The following APOL5 variants were observed in gnomAD, a reference collection of about 807,000 sequenced individuals.
APOL5 encodes the protein apolipoprotein L5.
Under a neutral mutation model 35.5 loss-of-function variants are expected in APOL5, and 29 were observed. The ratio of observed to expected loss-of-function variants is 0.82; its 90% CI spans 0.61 to 1.11. APOL5 has a LOEUF of 1.11. APOL5 is among the 50% of genes most tolerant of loss of function. APOL5 has a pLI of 0.00. For synonymous variants in APOL5, 188 were observed against 200.2 expected, an observed-to-expected ratio of 0.94 and a Z score of 0.51; for missense variants, 514 against 530.4, an observed-to-expected ratio of 0.97 and a Z score of 0.30.
intron 2 of APOL5, among the ~76,000 whole-genome samples, chr22:35,725,488 T>G (rs911707221): frequency 6.6e-6 from 1 of 151,952 alleles, no homozygotes; most frequent in Non-Finnish European, 1.5e-5. Context: ...CTCCTGACCC[T>G]GTGATCCGCT....
upstream of APOL5, among the ~76,000 whole-genome samples, chr22:35,714,997 A>T (rs1232023642): frequency 6.6e-6 from 1 of 152,220 alleles, no homozygotes; most frequent in Non-Finnish European, 1.5e-5. Context: ...ATGCATTTTT[A>T]AATTATCAGA....
At chr22:35,720,328 A>G (rs886911679) in intron 1 of APOL5, among the ~76,000 whole-genome samples, 1 of 152,230 alleles carries the variant, frequency 6.6e-6, no homozygotes, top group African/African-American at 2.4e-5. Flanking sequence ...TAGAAGCCTA[A>G]GCGATTTCCA....
chr22:35,722,046 T>A (rs1281072543), intron 2 of APOL5, among the ~76,000 whole-genome samples: 2 of 152,114 alleles, frequency 1.3e-5, no homozygotes, highest in Non-Finnish European at 2.9e-5. Flanking sequence ...CTCTCCCACC[T>A]CCACTGTCAA....
At chr22:35,709,796 G>C in the APOL5 span, among the ~76,000 whole-genome samples, 1 of 151,504 alleles carries the variant, frequency 6.6e-6, no homozygotes, top group East Asian at 1.9e-4. Flanking sequence ...AATAGTGTCT[G>C]TTTTCTCTTG....
At chr22:35,713,789 AC>A, upstream of APOL5, among the ~76,000 whole-genome samples, 1 of 152,038 alleles carries the variant, frequency 6.6e-6, no homozygotes, top group South Asian at 2.1e-4. Context: ...CACTGTCCCC[AC>A]CTACAACGGG....
In APOL5 at chr22:35,720,614, C is replaced by A. The variant is rs147206206; in HGVS notation, c.102C>A (p.Tyr34Ter). 4.3e-6 allele frequency: 7 copies of A among 1,613,974 alleles called. No homozygotes were observed. The highest frequency in any genetic ancestry group is 5.9e-6 in the Non-Finnish European group (7 of 1,180,006). Reference protein sequence around the residue: ...CKEMWLRKVIYGGEVWGKSPE... With the variant: ...CKEMWLRKVI ...AAATGTGGCTTCGAAAGGTAATCTA[C>A]GGAGGTGAGGTCTGGGGGAAGTCCC... The change falls in exon 2 of 5, where the codon TAC becomes TAA. Residue 34 changes from tyrosine to a stop codon, truncating the protein, a stop_gained. Coordinates refer to ENST00000249044, the MANE Select transcript of APOL5 (RefSeq NM_030642.1). LOFTEE classifies it high-confidence loss of function.
At chr22:35,721,031 C>G (rs1402511115) in intron 2 of APOL5, among the ~76,000 whole-genome samples, 2 of 151,994 alleles carry the variant, frequency 1.3e-5, no homozygotes, top group African/African-American at 4.8e-5. Flanking sequence ...GAGGTGTGAG[C>G]CACCGTGCCC....
Position 35,729,482 on chromosome 22 carries a change from A to G in APOL5, c.*135A>G, listed in dbSNP as rs1024289071. On this transcript the variant is annotated 3_prime_UTR_variant, in exon 5 of 5. Coordinates refer to ENST00000249044, the MANE Select transcript of APOL5 (RefSeq NM_030642.1). ...CCAGCAGCAATGATAATAGAAGGCA[A>G]ACTTGCAATGGTCTGTGGTAACCCC... 2.6e-5 allele frequency: 4 copies of G among 152,234 alleles called. No individual in the cohort carries two copies. The highest frequency in any genetic ancestry group is 9.7e-5 in the African/African-American group (4 of 41,420). The allele number at this position is 152,234 out of a possible 1,614,324, so 9.4% of individuals were successfully genotyped here.
the APOL5 span, among the ~76,000 whole-genome samples, chr22:35,710,553 C>G: frequency 1.3e-5 from 2 of 151,764 alleles, no homozygotes; most frequent in Non-Finnish European, 2.9e-5. Context: ...TATATATAAC[C>G]TGAAATTTTC....
intron 2 of APOL5, among the ~76,000 whole-genome samples, chr22:35,722,563 A>T (rs1927009104): frequency 6.6e-6 from 1 of 152,166 alleles, no homozygotes; most frequent in Admixed American, 6.5e-5. Context: ...GGCCTCCCAA[A>T]GTGCTGGGAT....
At chr22:35,718,428 G>A (rs528960148) in intron 1 of APOL5, among the ~76,000 whole-genome samples, 27 of 152,130 alleles carry the variant, frequency 1.8e-4, no homozygotes, top group African/African-American at 5.5e-4. Context: ...GACCAGCCTG[G>A]CCAACATGGT....
upstream of APOL5, among the ~76,000 whole-genome samples, chr22:35,717,315 G>T (rs1434128274): frequency 6.8e-6 from 1 of 146,454 alleles, no homozygotes; most frequent in Non-Finnish European, 1.5e-5. Flanking sequence ...AAGACAGGAG[G>T]ATCACTTGAG....
chr22:35,722,594 C>T (rs1927010103), intron 2 of APOL5, among the ~76,000 whole-genome samples: 1 of 152,208 alleles, frequency 6.6e-6, no homozygotes, highest in Non-Finnish European at 1.5e-5. Flanking sequence ...AGCCACTGCG[C>T]CCGGCCCTAG....
At position 35,726,299 on chromosome 22, in the gene APOL5, T is replaced by C. The variant is rs769092389; in HGVS notation, c.231T>C (p.Phe77=). ...ATGAGGCTGGTATGCTGTCCTACTT[T>C]CTGTTTGAAGAGCTGATGCGATGTG... ...HSDEAGMLSY[F]LFEELMRCDK... The change falls in exon 3 of 5, where the codon TTT becomes TTC. Residue 77 remains phenylalanine, a synonymous_variant. Transcript: ENST00000249044. 1.9e-6 allele frequency: 3 copies of C among 1,614,096 alleles called. No individual in the cohort carries two copies. The highest frequency in any genetic ancestry group is 1.3e-5 in the African/African-American group (1 of 74,940).
At chr22:35,727,606 G>A (rs1341233098) in intron 3 of APOL5, among the ~76,000 whole-genome samples, 1 of 152,128 alleles carries the variant, frequency 6.6e-6, no homozygotes, top group Non-Finnish European at 1.5e-5. Flanking sequence ...CCGGTTCCTG[G>A]GTAGAGGCCA....
chr22:35,710,312 CTT>C, the APOL5 span, among the ~76,000 whole-genome samples: 2 of 143,910 alleles, frequency 1.4e-5, no homozygotes. Context: ...TTTTATTCTT[CTT>C]TTTTTTTTGT....
chr22:35,712,127 C>T, the APOL5 span, among the ~76,000 whole-genome samples: 1 of 152,116 alleles, frequency 6.6e-6, no homozygotes, highest in Admixed American at 6.5e-5. Flanking sequence ...CCATTTCAGC[C>T]TCCTCAGTAG....
chr22:35,726,897 C>G lies in APOL5; in HGVS notation c.829C>G (p.Gln277Glu), dbSNP rs762166279. 1 of 1,614,206 alleles carries G rather than the reference C, an allele frequency of 6.2e-7. No individual in the cohort carries two copies. The highest frequency in any genetic ancestry group is 8.5e-7 in the Non-Finnish European group (1 of 1,180,042). ...CCCTTTCTGGACGGCTAGAGGGGTG[C>G]AGAGAGCCTTTGAGGGCACAACTCT... ...HIPFWTARGV[Q>E]RAFEGTTLAM... The change falls in exon 3 of 5, where the codon CAG becomes GAG. Residue 277 changes from glutamine to glutamate, a missense_variant. Physicochemically the swap from Gln to Glu is conservative, Grantham distance 29 (BLOSUM62 2). Transcript: ENST00000249044.
In APOL5 at chr22:35,726,494, C is replaced by T. The variant is rs376424899; in HGVS notation, c.426C>T (p.Ser142=). 5 of 1,614,226 alleles carry T rather than the reference C, an allele frequency of 3.1e-6. No individual in the cohort carries two copies. Among genetic ancestry groups the T allele is most frequent in the Non-Finnish European group, 4.2e-6 (5 of 1,180,046 alleles). ...ELLTKTSLVA[S]SSGAVSGVMN... is the part of the protein sequence containing the mutation. ...TTACCAAGACCAGCCTGGTGGCCAG[C>T]TCTTCCGGGGCTGTTTCTGGGGTCA... Residue 142 remains serine (S), a synonymous_variant, in exon 3 of 5, where the codon AGC becomes AGT. Coordinates refer to ENST00000249044, the MANE Select transcript of APOL5 (RefSeq NM_030642.1).
Sources: allele counts gnomAD v4.1 joint callset (sites outside exome capture counted in the v4.1 genomes callset), GRCh38; gene constraint gnomAD v4.1.1; transcripts MANE v1.5; gene names NCBI Gene and HGNC (gene_info 2026-07-23, HGNC 2026-07-21).